The following TBC1D5 variants were observed in gnomAD, a reference collection of about 807,000 sequenced individuals.
TBC1D5 encodes TBC1 domain family, member 5.
Under a neutral mutation model 100.3 loss-of-function variants are expected in TBC1D5, and 75 were observed. That is an observed-to-expected ratio of 0.75 (90% CI 0.62 to 0.91). TBC1D5 has a LOEUF of 0.91. Ranked by LOEUF, TBC1D5 falls within the 40% of genes least tolerant of loss-of-function variation. The pLI, the probability that TBC1D5 is intolerant of heterozygous loss-of-function variation, is 0.00. For synonymous variants in TBC1D5, 323 were observed against 325.6 expected, an observed-to-expected ratio of 0.99 and a Z score of 0.09; for missense variants, 910 against 942.4, an observed-to-expected ratio of 0.97 and a Z score of 0.45.
At chr3:17,510,935 C>A (rs1353750951) in intron 2 of TBC1D5, among the ~76,000 whole-genome samples, 1 of 151,792 alleles carries the variant, frequency 6.6e-6, no homozygotes, top group South Asian at 2.1e-4. Context: ...GTATTAAAGC[C>A]AAAATTGAAG....
In TBC1D5 at chr3:17,171,011, T is replaced by A. The variant is rs76692702; in HGVS notation, c.1853-3183A>T. ...ATAGACTTATCATCCCAATACAGTG[T>A]CTATACAAGATCTTCCCAAATCATT... On this transcript the variant is annotated intron_variant, in intron 19 of 21. Transcript: ENST00000253692. Among the ~76,000 whole-genome samples the A allele has an allele frequency of 1.4e-4, 21 of 152,294 alleles. No individual in the cohort carries two copies. In the East Asian group the frequency reaches 4.1e-3, roughly 29 times the overall value.
chr3:17,183,790 C>T (rs1001424866), intron 19 of TBC1D5, among the ~76,000 whole-genome samples: 6 of 152,142 alleles, frequency 3.9e-5, no homozygotes, highest in African/African-American at 1.2e-4. Context: ...AAATGACAGC[C>T]GTTGTTACTT....
intron 2 of TBC1D5, among the ~76,000 whole-genome samples, chr3:17,601,300 C>T (rs972142958): frequency 3.9e-5 from 6 of 152,104 alleles, no homozygotes; most frequent in African/African-American, 1.4e-4. Context: ...CACCTGAGGT[C>T]GGGAGTTCAT....
chr3:17,597,492 C>T (rs977254038), intron 2 of TBC1D5, among the ~76,000 whole-genome samples: 2 of 152,154 alleles, frequency 1.3e-5, no homozygotes, highest in South Asian at 2.1e-4. Context: ...TTACACCATG[C>T]TATACTGATT....
At chr3:17,427,796 AAAAT>A (rs1223424562) in intron 4 of TBC1D5, among the ~76,000 whole-genome samples, 1 of 151,958 alleles carries the variant, frequency 6.6e-6, no homozygotes, top group East Asian at 1.9e-4. Context: ...AGTATTACTG[AAAAT>A]ACTTTAATCT....
At chr3:17,543,568 G>T (rs2096380964) in intron 2 of TBC1D5, among the ~76,000 whole-genome samples, 1 of 152,154 alleles carries the variant, frequency 6.6e-6, no homozygotes, top group South Asian at 2.1e-4. Flanking sequence ...AGCCCAGGAG[G>T]TTGAGGCTGC....
In TBC1D5 at chr3:17,693,930, G is replaced by A. The variant is rs140471967; in HGVS notation, c.-101+45413C>T. 8.5e-5 allele frequency among the ~76,000 whole-genome samples: 13 copies of A among 152,286 alleles called. No homozygotes were observed. The East Asian group carries it at 1.5e-3, about 18-fold the overall frequency. On this transcript the variant is annotated intron_variant, in intron 1 of 21. Transcript: ENST00000253692. ...CAATATTTGCTGTTCTGCAGCCTCC[G>A]CTGGTGATACCCAGGCAAACAGAGT... is the stretch of plus-strand genomic sequence containing the variant.
intron 2 of TBC1D5, among the ~76,000 whole-genome samples, chr3:17,606,990 G>A (rs2061371597): frequency 6.6e-6 from 1 of 152,106 alleles, no homozygotes. Flanking sequence ...TTACCAAAGA[G>A]AATAATTAGC....
chr3:17,467,256 C>G (rs898556333), intron 3 of TBC1D5, among the ~76,000 whole-genome samples: 3 of 147,732 alleles, frequency 2.0e-5, no homozygotes, highest in Non-Finnish European at 4.4e-5. Flanking sequence ...TTAAGTCCAC[C>G]TAATTAGGGC....
chr3:17,309,768 C>T (rs1182084769), intron 13 of TBC1D5, among the ~76,000 whole-genome samples: 1 of 152,046 alleles, frequency 6.6e-6, no homozygotes, highest in Non-Finnish European at 1.5e-5. Context: ...ATTAACTGAT[C>T]TTGCAAAGAG....
chr3:17,557,683 T>C (rs1172327262), intron 2 of TBC1D5, among the ~76,000 whole-genome samples: 1 of 152,178 alleles, frequency 6.6e-6, no homozygotes, highest in African/African-American at 2.4e-5. Flanking sequence ...CCCTAGTGGC[T>C]GGGACAACAG....
At chr3:17,484,499 A>T (rs910585364) in intron 3 of TBC1D5, among the ~76,000 whole-genome samples, 1 of 136,358 alleles carries the variant, frequency 7.3e-6, no homozygotes, top group Admixed American at 7.0e-5. Flanking sequence ...TTTGGGTAAC[A>T]ATCATAATTA....
intron 13 of TBC1D5, among the ~76,000 whole-genome samples, chr3:17,311,827 G>A (rs1156718833): frequency 1.3e-5 from 2 of 151,976 alleles, no homozygotes; most frequent in Non-Finnish European, 2.9e-5. Context: ...CTGTGATCAC[G>A]AAATGATACC....
At chr3:17,395,944 T>C (rs926259032) in intron 8 of TBC1D5, among the ~76,000 whole-genome samples, 26 of 152,088 alleles carry the variant, frequency 1.7e-4, no homozygotes, top group Non-Finnish European at 2.9e-5. Flanking sequence ...ACATATGCAA[T>C]AGTAATTATT....
At chr3:17,542,263 C>G (rs1481398838) in intron 2 of TBC1D5, among the ~76,000 whole-genome samples, 1 of 152,120 alleles carries the variant, frequency 6.6e-6, no homozygotes, top group Non-Finnish European at 1.5e-5. Context: ...TGCACTCCAG[C>G]CTGGGCAACA....
chr3:17,216,269 T>C (rs2126027745), intron 17 of TBC1D5, among the ~76,000 whole-genome samples: 1 of 152,214 alleles, frequency 6.6e-6, no homozygotes, highest in South Asian at 2.1e-4. Context: ...CTTCTCAGGG[T>C]GGTTCCCAGC....
chr3:17,731,712 A>G (rs1178182317), intron 1 of TBC1D5, among the ~76,000 whole-genome samples: 1 of 152,144 alleles, frequency 6.6e-6, no homozygotes, highest in Non-Finnish European at 1.5e-5. Context: ...GGATGAAGAC[A>G]CAATGGGTTC....
chr3:17,347,710 A>G (rs1258715203), intron 13 of TBC1D5, among the ~76,000 whole-genome samples: 1 of 152,146 alleles, frequency 6.6e-6, no homozygotes, highest in Non-Finnish European at 1.5e-5. Context: ...TTAGATTTAA[A>G]TCTAAATTAT....
rs1293793643 is a variant in TBC1D5, at chr3:17,499,511, T to C, written c.97+8963A>G. On this transcript the variant is annotated intron_variant, in intron 3 of 21. Transcript: ENST00000253692. ...TCACTTGAGACCAGCCTGGGCAACA[T>C]GGAAAGACCCTGTCTCTACTAAAAA... Among the ~76,000 whole-genome samples, 4 of 148,662 alleles carry C rather than the reference T, an allele frequency of 2.7e-5. No individual in the cohort carries two copies. In the South Asian group the frequency reaches 8.5e-4, roughly 32 times the overall value.
Sources: allele counts gnomAD v4.1 joint callset (sites outside exome capture counted in the v4.1 genomes callset), GRCh38; gene constraint gnomAD v4.1.1; transcripts MANE v1.5; gene names NCBI Gene and HGNC (gene_info 2026-07-23, HGNC 2026-07-21).